The following DMD variants were observed in gnomAD, a reference collection of about 807,000 sequenced individuals.
The protein encoded by DMD is mutant dystrophin.
DMD carries 63 observed loss-of-function variants against 330.1 expected under a neutral mutation model. That is an observed-to-expected ratio of 0.19 (90% CI 0.16 to 0.24). DMD has a LOEUF of 0.24. DMD is among the 10% of genes least tolerant of loss of function. DMD has a pLI of 1.00. For missense variants in DMD, 3,344 were observed against 2,684.1 expected (o/e 1.25, Z -5.43); for synonymous variants, 1,223 against 959.8 (o/e 1.27, Z -5.07).
At chrX:32,054,276 T>C (rs1219574130) in intron 44 of DMD, among the ~76,000 whole-genome samples, 1 of 103,172 alleles carries the variant, frequency 9.7e-6, no homozygotes, top group Non-Finnish European at 2.0e-5. Flanking sequence ...ATGTGCCATG[T>C]TGGTGTCCTG....
chrX:32,425,086 T>C (rs1460330100), intron 29 of DMD, among the ~76,000 whole-genome samples: 1 of 111,962 alleles, frequency 8.9e-6, no homozygotes, highest in African/African-American at 3.2e-5. Flanking sequence ...AATAACTTCA[T>C]TGGCTACTAC....
chrX:31,377,088 G>A (rs1311827147), intron 60 of DMD, among the ~76,000 whole-genome samples: 1 of 111,904 alleles, frequency 8.9e-6, no homozygotes, highest in East Asian at 2.8e-4. Flanking sequence ...CTTAAAGTCT[G>A]GCACTAAGTT....
intron 2 of DMD, among the ~76,000 whole-genome samples, chrX:32,872,846 G>C (rs2083102708): frequency 9.0e-6 from 1 of 111,602 alleles, no homozygotes; most frequent in African/African-American, 3.3e-5. Flanking sequence ...TCTAGTTTGT[G>C]TTTTATAAAG....
At chrX:31,854,135 T>C (rs2093576437) in intron 48 of DMD, among the ~76,000 whole-genome samples, 1 of 112,418 alleles carries the variant, frequency 8.9e-6, no homozygotes, top group African/African-American at 3.2e-5. Flanking sequence ...GTGGTCATAG[T>C]ATTGTTCAGT....
At chrX:32,392,793 C>G (rs902191975) in intron 30 of DMD, among the ~76,000 whole-genome samples, 1 of 112,492 alleles carries the variant, frequency 8.9e-6, no homozygotes, top group Non-Finnish European at 1.9e-5. Context: ...TTAGGGTGCT[C>G]CCTTTTAGAA....
At chrX:32,017,038 T>A (rs2095766854) in intron 44 of DMD, among the ~76,000 whole-genome samples, 1 of 112,008 alleles carries the variant, frequency 8.9e-6, no homozygotes, top group Non-Finnish European at 1.9e-5. Context: ...TGGGGAGCAA[T>A]CCTTTTGCAT....
chrX:32,441,141 C>T (rs372137180), intron 28 of DMD, 39 bp downstream of exon 28: 116 of 1,185,580 alleles, frequency 9.8e-5, no homozygotes, highest in Non-Finnish European at 1.1e-4. Flanking sequence ...TTTAATACTG[C>T]ATATAAATTA....
chrX:32,503,142 A>T (rs1460915623), intron 18 of DMD, among the ~76,000 whole-genome samples: 1 of 112,260 alleles, frequency 8.9e-6, no homozygotes, highest in Non-Finnish European at 1.9e-5. Context: ...AGCTACTCAG[A>T]AGGCCTGGGC....
intron 43 of DMD, among the ~76,000 whole-genome samples, chrX:32,268,819 A>T (rs1340788709): frequency 9.0e-6 from 1 of 110,997 alleles, no homozygotes; most frequent in East Asian, 2.8e-4. Flanking sequence ...TTTGTAATAG[A>T]GAGTGAGTGT....
chrX:31,473,720 A>AAAAAAAAAAAAG (rs1310270784), intron 59 of DMD, among the ~76,000 whole-genome samples: 55 of 104,373 alleles, frequency 5.3e-4, no homozygotes, highest in African/African-American at 1.7e-3. Flanking sequence ...TCAAAAAAAA[A>AAAAAAAAAAAAG]AAAAAAAAGA....
chrX:31,598,287 T>C (rs1276763391), intron 55 of DMD, among the ~76,000 whole-genome samples: 1 of 110,530 alleles, frequency 9.0e-6, no homozygotes, highest in African/African-American at 3.3e-5. Context: ...TCCAACTATT[T>C]TTTAAAAAAT....
chrX:32,965,486 T>A (rs1447447674), intron 2 of DMD, among the ~76,000 whole-genome samples: 2 of 81,569 alleles, frequency 2.5e-5, no homozygotes, highest in African/African-American at 4.8e-5. Flanking sequence ...AGAGCGAGAC[T>A]CTGTCTCAAA....
At chrX:31,731,740 TG>T (rs1443410793) in intron 51 of DMD, among the ~76,000 whole-genome samples, 1 of 111,771 alleles carries the variant, frequency 8.9e-6, no homozygotes, top group Non-Finnish European at 1.9e-5. Context: ...TTATCTTTAT[TG>T]GGTTGTTCTT....
At chrX:32,916,566 C>T (rs2087826258) in intron 2 of DMD, among the ~76,000 whole-genome samples, 1 of 111,557 alleles carries the variant, frequency 9.0e-6, no homozygotes, top group South Asian at 3.7e-4. Flanking sequence ...AATATATTGT[C>T]TCTCTGGATA....
rs2093500317 is a variant in DMD, at chrX:33,009,143, TGTATATATA to T, written c.93+10987_93+10995del. ...ATATACGTATATATGTATATATATG[TGTATATATA>T]CGTATATATGTATATATATGTGTAT... On this transcript the variant is annotated intron_variant, in intron 2 of 78. Transcript: ENST00000357033. Among the ~76,000 whole-genome samples the T allele has an allele frequency of 1.0e-4, 5 of 48,350 alleles. 1 individual carries two copies. The Admixed American group carries it at 1.1e-3, about 11-fold the overall frequency. 42.0% of individuals were successfully genotyped at this position (48,350 alleles called of 115,157 possible). A position where few individuals can be genotyped will look rare whatever the true frequency, so the allele number is the denominator to read the frequency against.
Position 32,529,115 on chromosome X carries a change from C to A in DMD, c.2169-10984G>T, listed in dbSNP as rs945923720. ...TTTTTTTCCCTATTTTTCATAGAGA[C>A]GGGGTTTCACTGTTTCAGCCAGGAT... On this transcript the variant is annotated intron_variant, in intron 17 of 78. Transcript: ENST00000357033. Among the ~76,000 whole-genome samples, 12 of 105,607 alleles carry A rather than the reference C, an allele frequency of 1.1e-4. 2 individuals are homozygous for A. In the Admixed American group the frequency reaches 1.3e-3, roughly 11 times the overall value. The allele number at this position is 105,607 out of a possible 115,157, so 91.7% of individuals were successfully genotyped here.
At chrX:32,480,781 C>T (rs1353126610) in intron 21 of DMD, among the ~76,000 whole-genome samples, 1 of 110,379 alleles carries the variant, frequency 9.1e-6, no homozygotes, top group Non-Finnish European at 1.9e-5. Context: ...TCACAATAAG[C>T]ACATAGCTTG....
chrX:32,623,966 A>T (rs1418915897), intron 11 of DMD, among the ~76,000 whole-genome samples: 1 of 112,169 alleles, frequency 8.9e-6, no homozygotes, highest in East Asian at 2.8e-4. Context: ...ATATTGTATT[A>T]GATCATATGA....
At chrX:32,493,196 T>G (rs950831119) in intron 19 of DMD, among the ~76,000 whole-genome samples, 3 of 111,734 alleles carry the variant, frequency 2.7e-5, no homozygotes, top group Non-Finnish European at 5.6e-5. Context: ...CCCTCTGCCC[T>G]GATAGTCTAA....
Sources: allele counts gnomAD v4.1 joint callset (sites outside exome capture counted in the v4.1 genomes callset), GRCh38; gene constraint gnomAD v4.1.1; transcripts MANE v1.5; gene names NCBI Gene and HGNC (gene_info 2026-07-23, HGNC 2026-07-21).